PDE4D: variants seen among roughly 807,000 people sequenced by gnomAD.
PDE4D encodes the protein 3',5'-cyclic-AMP phosphodiesterase 4D.
A neutral mutation model predicts 87.4 loss-of-function variants in PDE4D; 24 were observed. That is an observed-to-expected ratio of 0.27 (90% CI 0.20 to 0.39). PDE4D has a LOEUF of 0.39. Ranked by LOEUF, PDE4D falls within the 10% of genes least tolerant of loss-of-function variation. The probability of loss-of-function intolerance (pLI) is 1.00; values close to 1 mark genes in which losing one functional copy is unlikely to be tolerated. For synonymous variants in PDE4D, 384 were observed against 383.2 expected (o/e 1.00, Z -0.02); for missense variants, 714 against 1,041.0 (o/e 0.69, Z 4.32).
chr5:59,185,975 C>T (rs778290436), intron 3 of PDE4D, among the ~76,000 whole-genome samples: 1 of 152,176 alleles, frequency 6.6e-6, no homozygotes, highest in Non-Finnish European at 1.5e-5. Context: ...CTAACAGTCG[C>T]TTTTTCTAAT....
At chr5:59,770,445 G>A (rs1022168699) in intron 1 of PDE4D, among the ~76,000 whole-genome samples, 2 of 152,054 alleles carry the variant, frequency 1.3e-5, no homozygotes, top group Non-Finnish European at 2.9e-5. Flanking sequence ...TATATGATGA[G>A]AAAACTCTGG....
intron 1 of PDE4D, among the ~76,000 whole-genome samples, chr5:59,381,068 T>A (rs1020186590): frequency 2.0e-5 from 3 of 152,160 alleles, no homozygotes; most frequent in African/African-American, 7.2e-5. Context: ...GCTAGAGCTC[T>A]GATAATTAGA....
At position 59,213,293 on chromosome 5, in the gene PDE4D, T is replaced by G. The variant is rs113202143; in HGVS notation, c.647+2484A>C. ...AATCCTCCTACCTCTCCAGAGTAGC[T>G]GGGACTAAAGGCATGTGCCACCATG... On this transcript the variant is annotated intron_variant, in intron 2 of 14. Coordinates refer to ENST00000340635, the MANE Select transcript of PDE4D (RefSeq NM_001104631.2). 5.0e-4 allele frequency among the ~76,000 whole-genome samples: 76 copies of G among 152,080 alleles called. 1 individual carries two copies. The highest frequency in any genetic ancestry group is 1.8e-3 in the African/African-American group (75 of 41,534).
At chr5:59,644,074 A>G (rs979280236) in intron 1 of PDE4D, among the ~76,000 whole-genome samples, 6 of 152,234 alleles carry the variant, frequency 3.9e-5, no homozygotes, top group Non-Finnish European at 7.3e-5. Context: ...ATTAAGGGCT[A>G]TTCTTCCAGT....
chr5:60,292,891 T>C (rs1753018154), intron 1 of PDE4D, among the ~76,000 whole-genome samples: 1 of 152,244 alleles, frequency 6.6e-6, no homozygotes, highest in Non-Finnish European at 1.5e-5. Context: ...TGACTAATTT[T>C]GAACTATCTC....
chr5:60,174,426 T>A (rs116596404), intron 2 of PDE4D, among the ~76,000 whole-genome samples: 3,235 of 151,710 alleles, frequency 0.021, 48 homozygotes, highest in Non-Finnish European at 0.031. Flanking sequence ...AAAGGAGAAA[T>A]AGAAGAGAGA....
rs373474029 is a variant in PDE4D at position 59,269,738 on chromosome 5, A to C, written c.456-53770T>G. Among the ~76,000 whole-genome samples the C allele has an allele frequency of 4.6e-5, 7 of 152,072 alleles. No individual in the cohort carries two copies. The East Asian group carries it at 1.2e-3, about 25-fold the overall frequency. On this transcript the variant is annotated intron_variant, in intron 1 of 14. Coordinates refer to ENST00000340635, the MANE Select transcript of PDE4D (RefSeq NM_001104631.2). ...TGTTTTATGTGTGCTTATACTTTTTACTTATATATTTCACACATATCTATG... is the reference window on the plus strand; with the variant it reads ...TGTTTTATGTGTGCTTATACTTTTTCCTTATATATTTCACACATATCTATG...
chr5:59,444,707 G>T (rs1798104657), intron 1 of PDE4D, among the ~76,000 whole-genome samples: 1 of 152,102 alleles, frequency 6.6e-6, no homozygotes, highest in South Asian at 2.1e-4. Flanking sequence ...AGCTACTCCG[G>T]AGGCTGAGGC....
chr5:60,101,000 G>C (rs1258272683), intron 2 of PDE4D, among the ~76,000 whole-genome samples: 1 of 152,058 alleles, frequency 6.6e-6, no homozygotes, highest in Non-Finnish European at 1.5e-5. Context: ...CACCAAACAA[G>C]AACAAAATGA....
At chr5:59,431,021 T>A (rs1796028815) in intron 1 of PDE4D, among the ~76,000 whole-genome samples, 4 of 152,146 alleles carry the variant, frequency 2.6e-5, no homozygotes, top group Non-Finnish European at 5.9e-5. Flanking sequence ...CTATTCATGA[T>A]AGAACTGAAC....
chr5:59,095,697 C>T (rs1289900945), intron 5 of PDE4D, among the ~76,000 whole-genome samples: 1 of 152,150 alleles, frequency 6.6e-6, no homozygotes. Context: ...ACTTTACTTG[C>T]ACAATATGCT....
At chr5:59,480,758 T>A (rs1207521932) in intron 1 of PDE4D, among the ~76,000 whole-genome samples, 1 of 152,218 alleles carries the variant, frequency 6.6e-6, no homozygotes, top group African/African-American at 2.4e-5. Flanking sequence ...CTCATTCATT[T>A]ATTGAGCAGT....
chr5:60,441,199 C>T (rs890844178), intron 1 of PDE4D, among the ~76,000 whole-genome samples: 3 of 152,094 alleles, frequency 2.0e-5, no homozygotes, highest in Admixed American at 2.0e-4. Context: ...TACTACAAGG[C>T]TACAGTAACC....
chr5:58,996,961 T>C (rs1004409934), intron 6 of PDE4D, among the ~76,000 whole-genome samples: 3 of 152,088 alleles, frequency 2.0e-5, no homozygotes, highest in Non-Finnish European at 4.4e-5. Flanking sequence ...CACAAAAACA[T>C]GGATTGGAGA....
At chr5:60,123,585 G>A (rs796323724) in intron 2 of PDE4D, among the ~76,000 whole-genome samples, 55 of 151,810 alleles carry the variant, frequency 3.6e-4, no homozygotes, top group African/African-American at 1.3e-3. Context: ...ACAACATTTG[G>A]GAATTATGGG....
intron 2 of PDE4D, among the ~76,000 whole-genome samples, chr5:60,065,579 C>T (rs1352670894): frequency 1.3e-5 from 2 of 151,844 alleles, no homozygotes; most frequent in African/African-American, 4.8e-5. Flanking sequence ...TAATGCTATC[C>T]CTCCCCGCTC....
intron 1 of PDE4D, among the ~76,000 whole-genome samples, chr5:59,560,008 GGCATGTCATTT>G (rs1349262536): frequency 1.3e-5 from 2 of 152,168 alleles, no homozygotes; most frequent in African/African-American, 4.8e-5. Context: ...TGAAAGGAAT[GGCATGTCATTT>G]GAAAGCGTTT....
At chr5:59,488,166 CAAAAAA>C (rs529078753) in intron 1 of PDE4D, among the ~76,000 whole-genome samples, 26,727 of 107,184 alleles carry the variant, frequency 0.25, 2,862 homozygotes, top group Non-Finnish European at 0.35. Flanking sequence ...CATCAAGAGC[CAAAAAA>C]AAAAAAAAAA....
At chr5:59,670,749 CTA>C (rs1747064745) in intron 1 of PDE4D, among the ~76,000 whole-genome samples, 1 of 152,016 alleles carries the variant, frequency 6.6e-6, no homozygotes, top group Non-Finnish European at 1.5e-5. Flanking sequence ...GTGGAAAAAA[CTA>C]TATCAGGTAT....
Sources: gnomAD v4.1 joint callset for allele counts (sites outside exome capture counted in the v4.1 genomes callset) on GRCh38, gnomAD v4.1.1 for gene constraint, MANE v1.5 for transcripts, NCBI Gene and HGNC (gene_info 2026-07-23, HGNC 2026-07-21) for gene names.